The following SLC1A6 variants were observed in gnomAD, a reference collection of about 807,000 sequenced individuals.
SLC1A6 encodes the protein excitatory amino acid transporter 4.
Under a neutral mutation model 42.1 loss-of-function variants are expected in SLC1A6, and 15 were observed. That is an observed-to-expected ratio of 0.36 (90% confidence interval 0.24 to 0.55). SLC1A6 has a LOEUF of 0.55. SLC1A6 is among the 20% of genes least tolerant of loss of function. The probability of loss-of-function intolerance (pLI) is 0.88; values close to 1 mark genes in which losing one functional copy is unlikely to be tolerated. For synonymous variants in SLC1A6, 317 were observed against 319.7 expected, an observed-to-expected ratio of 0.99 and a Z score of 0.09; for missense variants, 542 against 772.5, an observed-to-expected ratio of 0.70 and a Z score of 3.54.
intron 1 of SLC1A6, among the ~76,000 whole-genome samples, chr19:15,003,881 T>C (rs2045883994): frequency 6.6e-6 from 1 of 152,068 alleles, no homozygotes; most frequent in Admixed American, 6.6e-5. Flanking sequence ...AGCTGCCAGG[T>C]GTGGTGGTTC....
At chr19:14,994,526 A>G (rs1249657334) in intron 1 of SLC1A6, among the ~76,000 whole-genome samples, 1 of 151,914 alleles carries the variant, frequency 6.6e-6, no homozygotes, top group Non-Finnish European at 1.5e-5. Flanking sequence ...TGCCCAGTCT[A>G]CCCTCCATCT....
chr19:14,964,323 T>C lies in SLC1A6; in HGVS notation c.587A>G (p.Lys196Arg), dbSNP rs551561031. 6.2e-7 allele frequency: 1 copy of C among 1,613,798 alleles called. No individual in the cohort carries two copies. The highest frequency in any genetic ancestry group is 1.3e-5 in the African/African-American group (1 of 75,010). The change falls in exon 5 of 10, where the codon AAA becomes AGA. Residue 196 changes from lysine to arginine, a missense_variant. Lys to Arg is a conservative substitution (Grantham distance 26). Transcript: ENST00000594383. ...AACTGTGTACTTCCCCCTGACCTGT[T>C]TGAAGCAGGCCTCCACAAGGTTTGG... ...FPPNLVEACF[K>R]QFKTQYSTRV...
intron 1 of SLC1A6, among the ~76,000 whole-genome samples, chr19:14,992,236 T>C (rs74565038): frequency 0.056 from 8,477 of 152,284 alleles, 395 homozygotes; most frequent in East Asian, 0.22. Context: ...ATTTCATGAG[T>C]TGTTTTTAAT....
In SLC1A6 at chr19:14,996,559, TTGTTCTTCTTCC is replaced by T. The variant is rs1354457843; in HGVS notation, c.6+13914_6+13925del. Among the ~76,000 whole-genome samples, 14 of 136,666 alleles carry T rather than the reference TTGTTCTTCTTCC, an allele frequency of 1.0e-4. No individual in the cohort carries two copies. In the East Asian group the frequency reaches 2.6e-3, roughly 26 times the overall value. The allele number at this position is 136,666 out of a possible 152,430, so 89.7% of individuals were successfully genotyped here. A position where few individuals can be genotyped will look rare whatever the true frequency, so the allele number is the denominator to read the frequency against. ...CTTCTTCTTCTTCTTCTTCTTCTTCTTGTTCTTCTTCCTCTTCTTCTTCTTCCTCTCATTGTA... is the reference window on the plus strand; with the variant it reads ...CTTCTTCTTCTTCTTCTTCTTCTTCTTCTTCTTCTTCTTCCTCTCATTGTA... On this transcript the variant is annotated intron_variant, in intron 1 of 8. Coordinates refer to the SLC1A6 transcript ENST00000430939.
At chr19:14,953,992 G>T in intron 8 of SLC1A6, 143 bp downstream of exon 8, 5 of 703,820 alleles carry the variant, frequency 7.1e-6, no homozygotes, top group Non-Finnish European at 1.2e-5. Context: ...TCCGGCATTG[G>T]GCTCTTCCCA....
At chr19:15,007,582 C>T (rs1292749374) in intron 1 of SLC1A6, among the ~76,000 whole-genome samples, 2 of 152,060 alleles carry the variant, frequency 1.3e-5, no homozygotes, top group African/African-American at 2.4e-5. Context: ...ATGATCATAG[C>T]ATGTGATTGA....
Position 14,961,984 on chromosome 19 carries a change from G to A in SLC1A6, c.935+18C>T, listed in dbSNP as rs909209424. The A allele has an allele frequency of 6.3e-6, 10 of 1,594,950 alleles. No individual in the cohort carries two copies. The highest frequency in any genetic ancestry group is 3.4e-5 in the Admixed American group (2 of 58,272). On this transcript the variant is annotated intron_variant, in intron 6 of 9. Coordinates refer to ENST00000594383, the MANE Select transcript of SLC1A6 (RefSeq NM_005071.3). ...CAGCTCTGGCTCCACCATCCCGTGG[G>A]CACAGACCAGGACTCACCAGATAAT...
upstream of SLC1A6, among the ~76,000 whole-genome samples, chr19:14,983,544 C>G (rs1197506802): frequency 1.3e-5 from 2 of 151,590 alleles, no homozygotes; most frequent in African/African-American, 4.9e-5. Flanking sequence ...TTAAAATGAG[C>G]CAGGTATGGG....
intron 8 of SLC1A6, among the ~76,000 whole-genome samples, chr19:14,953,754 T>C (rs1429294130): frequency 2.6e-5 from 4 of 152,158 alleles, no homozygotes; most frequent in African/African-American, 9.7e-5. Context: ...TTATAATGAC[T>C]AAGTTGGAAC....
chr19:14,994,872 G>C (rs564728679), intron 1 of SLC1A6, among the ~76,000 whole-genome samples: 1 of 138,420 alleles, frequency 7.2e-6, no homozygotes, highest in Non-Finnish European at 1.6e-5. Context: ...CAATGGGATA[G>C]TATTCAGCCA....
intron 1 of SLC1A6, among the ~76,000 whole-genome samples, chr19:14,990,467 T>C (rs747900031): frequency 3.3e-5 from 5 of 152,084 alleles, no homozygotes; most frequent in African/African-American, 2.4e-5. Flanking sequence ...CGAATTTCAG[T>C]TGGTAAAGAG....
intron 5 of SLC1A6, among the ~76,000 whole-genome samples, chr19:14,963,857 A>G (rs1347041335): frequency 6.9e-6 from 1 of 145,152 alleles, no homozygotes; most frequent in Non-Finnish European, 1.5e-5. Context: ...TTTTTTTGAT[A>G]TGGGGTCTTG....
At chr19:15,002,671 T>C (rs7252267) in intron 1 of SLC1A6, among the ~76,000 whole-genome samples, 91,530 of 151,954 alleles carry the variant, frequency 0.6, 27,680 homozygotes, top group South Asian at 0.75. Context: ...GAAAAAGAAA[T>C]CCATCATATT....
rs2045523338 is a variant in SLC1A6 at position 14,962,357 on chromosome 19, A to G, written c.592-12T>C. On this transcript the variant is annotated splice_polypyrimidine_tract_variant and intron_variant, in intron 5 of 9. Transcript: ENST00000594383. The stretch of plus-strand genomic sequence containing the variant: ...TACTGCGTCTTGAACTGAAATAGAG[A>G]GAGATTGCGCCCAGATTCAATTCAG... 6.3e-7 allele frequency: 1 copy of G among 1,597,170 alleles called. No homozygotes were observed. Among genetic ancestry groups the G allele is most frequent in the African/African-American group, 1.3e-5 (1 of 74,488 alleles).
chr19:14,979,064 A>G lies in SLC1A6; in HGVS notation c.-8+245T>C, dbSNP rs1295126005. Among the ~76,000 whole-genome samples the G allele has an allele frequency of 7.0e-6, 1 of 142,934 alleles. No homozygotes were observed. Among genetic ancestry groups the G allele is most frequent in the Non-Finnish European group, 1.5e-5 (1 of 66,230 alleles). 93.8% of individuals were successfully genotyped at this position (142,934 alleles called of 152,430 possible). A position where few individuals can be genotyped will look rare whatever the true frequency, so the allele number is the denominator to read the frequency against. ...CTCTCTCTCTGTCACACACACACAC[A>G]CACACACACACACACACACACACAC... On this transcript the variant is annotated intron_variant, in intron 1 of 9. Transcript: ENST00000594383. This position sits in a 1 kb window ranked among gnomAD's most constrained non-coding sequence, Gnocchi z 4.2.
intron 5 of SLC1A6, among the ~76,000 whole-genome samples, chr19:14,962,869 C>A (rs958133142): frequency 6.6e-6 from 1 of 152,078 alleles, no homozygotes; most frequent in Non-Finnish European, 1.5e-5. Context: ...TGCCACTGCA[C>A]TCCAACCTGG....
chr19:14,951,269 A>G (rs10402958), intron 9 of SLC1A6, among the ~76,000 whole-genome samples: 47 of 33,746 alleles, frequency 1.4e-3, no homozygotes, highest in African/African-American at 2.3e-3. Flanking sequence ...AAAAAAAAAA[A>G]AAAAAAAAAG....
intron 1 of SLC1A6, among the ~76,000 whole-genome samples, chr19:15,009,041 A>C (rs1397254839): frequency 6.9e-6 from 1 of 144,572 alleles, no homozygotes; most frequent in Non-Finnish European, 1.5e-5. Flanking sequence ...TATGCTATCT[A>C]CACAGATCAC....
chr19:15,003,697 G>C (rs974527933), intron 1 of SLC1A6, among the ~76,000 whole-genome samples: 4 of 144,730 alleles, frequency 2.8e-5, no homozygotes, highest in Admixed American at 2.1e-4. Context: ...AAGAAAAAAG[G>C]CTAGAAGTTT....
Sources: allele counts gnomAD v4.1 joint callset (sites outside exome capture counted in the v4.1 genomes callset), GRCh38; gene constraint gnomAD v4.1.1; non-coding constraint Gnocchi (gnomAD v3.1); transcripts MANE v1.5; gene names NCBI Gene and HGNC (gene_info 2026-07-23, HGNC 2026-07-21).